The following GPC5 variants were observed in gnomAD, a reference collection of about 807,000 sequenced individuals.
GPC5 encodes the protein glypican 5.
In GPC5, 47 loss-of-function variants were observed where a neutral mutation model predicts 53.9. The observed-to-expected ratio is 0.87, with a 90% CI of 0.69 to 1.11. The LOEUF (loss-of-function observed/expected upper bound fraction) is 1.11, where lower values mean the gene tolerates loss of function less well. GPC5 is among the 50% of genes most tolerant of loss of function. The pLI, the probability that GPC5 is intolerant of heterozygous loss-of-function variation, is 0.00. For missense variants in GPC5, 748 were observed against 713.1 expected, an observed-to-expected ratio of 1.05 and a Z score of -0.56; for synonymous variants, 286 against 263.3, an observed-to-expected ratio of 1.09 and a Z score of -0.84.
chr13:91,414,743 A>G (rs923030368), intron 1 of GPC5, among the ~76,000 whole-genome samples: 1 of 152,224 alleles, frequency 6.6e-6, no homozygotes, highest in African/African-American at 2.4e-5. Flanking sequence ...GCTTCCACCA[A>G]AAGGGAGAAA....
intron 7 of GPC5, among the ~76,000 whole-genome samples, chr13:92,343,913 C>T (rs2043387931): frequency 6.6e-6 from 1 of 152,016 alleles, no homozygotes; most frequent in African/African-American, 2.4e-5. Context: ...AATCTATTGT[C>T]TTCTCTGTTT....
intron 7 of GPC5, among the ~76,000 whole-genome samples, chr13:92,615,173 C>G (rs749638685): frequency 6.6e-6 from 1 of 152,188 alleles, no homozygotes; most frequent in African/African-American, 2.4e-5. Flanking sequence ...TGGAGCCAGA[C>G]GCTAAGCCTC....
chr13:92,718,573 T>C (rs1462782978), intron 7 of GPC5, among the ~76,000 whole-genome samples: 1 of 151,894 alleles, frequency 6.6e-6, no homozygotes, highest in East Asian at 1.9e-4. Context: ...GGCAAAGGGG[T>C]GGAGTCAGGA....
Position 91,572,426 on chromosome 13 carries a change from C to T in GPC5, c.326-120761C>T, listed in dbSNP as rs373386988. ...AAAGAAAAAAGGTTTATTTGCTTCA[C>T]AGCTCTGCAGACTATAAGAAGTGTA... On this transcript the variant is annotated intron_variant, in intron 2 of 7. Coordinates refer to ENST00000377067, the MANE Select transcript of GPC5 (RefSeq NM_004466.6). 2.6e-5 allele frequency among the ~76,000 whole-genome samples: 4 copies of T among 152,152 alleles called. No individual in the cohort carries two copies. In the South Asian group the frequency reaches 6.2e-4, roughly 24 times the overall value.
chr13:92,561,465 A>C (rs2139029418), intron 7 of GPC5, among the ~76,000 whole-genome samples: 1 of 152,136 alleles, frequency 6.6e-6, no homozygotes, highest in East Asian at 1.9e-4. Context: ...GAATGATCCC[A>C]ATAGAACCTT....
At chr13:92,426,172 C>A (rs1039214620) in intron 7 of GPC5, among the ~76,000 whole-genome samples, 1 of 152,116 alleles carries the variant, frequency 6.6e-6, no homozygotes, top group South Asian at 2.1e-4. Flanking sequence ...AGAGAATACC[C>A]CTCTTCTCCT....
chr13:92,382,610 T>C (rs982507185), intron 7 of GPC5, among the ~76,000 whole-genome samples: 14 of 152,228 alleles, frequency 9.2e-5, no homozygotes, highest in Middle Eastern at 3.4e-3. Flanking sequence ...ACAATTAAAG[T>C]TGAACTGAAA....
intron 6 of GPC5, among the ~76,000 whole-genome samples, chr13:91,999,267 C>A (rs745608298): frequency 2.6e-5 from 4 of 151,940 alleles, no homozygotes; most frequent in Non-Finnish European, 5.9e-5. Context: ...AGGAAATTAT[C>A]ATTTAATCCC....
chr13:92,793,385 A>C (rs536086453), intron 7 of GPC5, among the ~76,000 whole-genome samples: 2 of 152,224 alleles, frequency 1.3e-5, no homozygotes, highest in South Asian at 4.2e-4. Flanking sequence ...CATTTAAAGC[A>C]GTGTGTGCAG....
intron 7 of GPC5, among the ~76,000 whole-genome samples, chr13:92,645,085 A>G (rs758459724): frequency 6.6e-6 from 1 of 152,220 alleles, no homozygotes; most frequent in Non-Finnish European, 1.5e-5. Context: ...AAGCATAGTT[A>G]CATAGGCCCT....
intron 2 of GPC5, among the ~76,000 whole-genome samples, chr13:91,571,819 G>A (rs1420573879): frequency 9.2e-6 from 1 of 108,230 alleles, no homozygotes; most frequent in Non-Finnish European, 1.8e-5. Flanking sequence ...ACATACGTGT[G>A]TGTATATATA....
rs565380465 is a variant in GPC5, at chr13:92,654,653, T to G, written c.1562-211629T>G. 1.1e-4 allele frequency among the ~76,000 whole-genome samples: 17 copies of G among 152,252 alleles called. No individual in the cohort carries two copies. The South Asian group carries it at 2.7e-3, about 24-fold the overall frequency. On this transcript the variant is annotated intron_variant, in intron 7 of 7. Transcript: ENST00000377067. ...TTTTGTCACTTTTTTGTTGAAATCG[T>G]TTGACAAACATGATTCATTGAAAAT...
intron 7 of GPC5, among the ~76,000 whole-genome samples, chr13:92,160,237 C>T (rs960497647): frequency 6.6e-6 from 1 of 152,150 alleles, no homozygotes; most frequent in Non-Finnish European, 1.5e-5. Context: ...TTTACTAACT[C>T]TTAAAGGTCT....
At chr13:91,735,645 A>G (rs1416883516) in intron 4 of GPC5, among the ~76,000 whole-genome samples, 1 of 151,384 alleles carries the variant, frequency 6.6e-6, no homozygotes. Flanking sequence ...ATATTAGGAT[A>G]ATGCTATAAA....
intron 2 of GPC5, among the ~76,000 whole-genome samples, chr13:91,620,362 T>C (rs1298172545): frequency 2.0e-5 from 3 of 152,112 alleles, no homozygotes; most frequent in Admixed American, 6.6e-5. Context: ...TCTATGTGCT[T>C]TTACTGTTGT....
intron 1 of GPC5, among the ~76,000 whole-genome samples, chr13:91,440,328 A>G (rs1383306955): frequency 6.6e-6 from 1 of 152,082 alleles, no homozygotes; most frequent in East Asian, 1.9e-4. Context: ...TCTTCTTCAG[A>G]TCACATATTT....
intron 6 of GPC5, among the ~76,000 whole-genome samples, chr13:91,976,073 A>G (rs1213323834): frequency 6.6e-6 from 1 of 152,156 alleles, no homozygotes; most frequent in East Asian, 1.9e-4. Flanking sequence ...TTGAACAATG[A>G]GAACACATGG....
At chr13:91,811,098 A>T (rs1011484092) in intron 5 of GPC5, among the ~76,000 whole-genome samples, 4 of 152,044 alleles carry the variant, frequency 2.6e-5, no homozygotes, top group African/African-American at 9.7e-5. Context: ...CAACTTCCTT[A>T]AAGGTAAAAT....
chr13:92,003,218 GA>G (rs1410476497), intron 6 of GPC5, among the ~76,000 whole-genome samples: 1 of 151,228 alleles, frequency 6.6e-6, no homozygotes, highest in African/African-American at 2.4e-5. Flanking sequence ...CTACTCAGGA[GA>G]CTGAGGCAGG....
Sources: gnomAD v4.1 joint callset for allele counts (sites outside exome capture counted in the v4.1 genomes callset) on GRCh38, gnomAD v4.1.1 for gene constraint, MANE v1.5 for transcripts, NCBI Gene and HGNC (gene_info 2026-07-23, HGNC 2026-07-21) for gene names.